The following ATPAF1 variants were observed in gnomAD, a reference collection of about 807,000 sequenced individuals.
ATPAF1 encodes homolog of yeast ATP11.
Under a neutral mutation model 43.9 loss-of-function variants are expected in ATPAF1, and 26 were observed. That is an observed-to-expected ratio of 0.59 (90% CI 0.43 to 0.82). ATPAF1 has a LOEUF of 0.82. ATPAF1 is among the 40% of genes least tolerant of loss of function. The pLI is 0.00. For missense variants in ATPAF1, 366 were observed against 435.0 expected (o/e 0.84, Z 1.41); for synonymous variants, 157 against 168.0 (o/e 0.93, Z 0.50).
intron 4 of ATPAF1, among the ~76,000 whole-genome samples, chr1:46,656,368 T>C (rs995985946): frequency 1.3e-5 from 2 of 152,168 alleles, no homozygotes; most frequent in Admixed American, 1.3e-4. Flanking sequence ...TGTTAAAATA[T>C]GGGGCCCCAA....
rs762350057 is a variant in ATPAF1 at position 46,668,359 on chromosome 1, G to C, written c.-37C>G. 7.7e-7 allele frequency: 1 copy of C among 1,293,882 alleles called. No individual in the cohort carries two copies. The highest frequency in any genetic ancestry group is 9.8e-7 in the Non-Finnish European group (1 of 1,019,804). The allele number at this position is 1,293,882 out of a possible 1,614,324, so 80.2% of individuals were successfully genotyped here. A position where few individuals can be genotyped will look rare whatever the true frequency, so the allele number is the denominator to read the frequency against. ...CCTCCTCCTCCTCCTCAGGCGCGTC[G>C]GCCTCGGCCCGCGGCCCGCGCGCCC... is the stretch of plus-strand genomic sequence containing the variant. On this transcript the variant is annotated 5_prime_UTR_variant, in exon 1 of 9. Coordinates refer to ENST00000574428, the Ensembl canonical transcript of ATPAF1. This position sits in a 1 kb window ranked among gnomAD's most constrained non-coding sequence, Gnocchi z 4.4.
intron 8 of ATPAF1, among the ~76,000 whole-genome samples, chr1:46,636,668 G>T (rs1273491202): frequency 2.0e-5 from 3 of 151,854 alleles, no homozygotes; most frequent in Non-Finnish European, 1.5e-5. Flanking sequence ...TGTAGTCCCA[G>T]CTACTCAGGA....
intron 4 of ATPAF1, among the ~76,000 whole-genome samples, chr1:46,657,706 G>A (rs976632779): frequency 3.3e-5 from 5 of 152,184 alleles, no homozygotes; most frequent in Admixed American, 3.3e-4. Context: ...ACTTAAAACC[G>A]GCAGCTTGGT....
intron 6 of ATPAF1, among the ~76,000 whole-genome samples, chr1:46,650,574 A>AATATTCACTACAGCACTATTCACAGCAC (rs1269984513): frequency 4.7e-4 from 71 of 152,182 alleles, no homozygotes; most frequent in Non-Finnish European, 8.8e-4. Context: ...CTGCACTCCC[A>AATATTCACTACAGCACTATTCACAGCAC]TGTTTGCTAC....
exon 8 of ATPAF1, chr1:46,643,229 C>G: frequency 6.2e-7 from 1 of 1,613,988 alleles, no homozygotes; most frequent in East Asian, 2.2e-5. Flanking sequence ...GTCATCAGCA[C>G]TATGCCCTTT....
intron 2 of ATPAF1, among the ~76,000 whole-genome samples, chr1:46,661,542 T>A (rs1676387377): frequency 6.6e-6 from 1 of 152,230 alleles, no homozygotes; most frequent in South Asian, 2.1e-4. Context: ...TGTATTTTGT[T>A]AAAAAATACT....
chr1:46,648,238 A>G (rs1676079146), intron 6 of ATPAF1, among the ~76,000 whole-genome samples: 2 of 152,188 alleles, frequency 1.3e-5, no homozygotes, highest in South Asian at 4.1e-4. Context: ...CAGCTTCCGG[A>G]GTAGCTGAGA....
exon 6 of ATPAF1, chr1:46,652,589 A>G (rs780755963): frequency 1.2e-6 from 2 of 1,613,278 alleles, no homozygotes; most frequent in African/African-American, 1.3e-5. Flanking sequence ...ACTGTTGGAC[A>G]GGACTGAGCC....
chr1:46,659,563 C>T (rs571429967), intron 2 of ATPAF1, among the ~76,000 whole-genome samples: 2 of 152,246 alleles, frequency 1.3e-5, no homozygotes, highest in South Asian at 4.1e-4. Context: ...TCAAATTAGA[C>T]ACCCTTAAAA....
rs74436659 is a variant in ATPAF1 at position 46,666,548 on chromosome 1, A to C, written c.267-1184T>G. Among the ~76,000 whole-genome samples, 68 of 152,356 alleles carry C rather than the reference A, an allele frequency of 4.5e-4. No individual in the cohort carries two copies. The East Asian group carries it at 0.012, about 26-fold the overall frequency. On this transcript the variant is annotated intron_variant, in intron 1 of 8. Coordinates refer to ENST00000574428, the Ensembl canonical transcript of ATPAF1. ...AGTGGGAGAGACAGGCATAAAAGTA[A>C]ACAAATGAAAGTACAACAGGTATTA...
intron 6 of ATPAF1, 66 bp from the exon 7 acceptor site, chr1:46,645,322 C>T: frequency 8.2e-7 from 1 of 1,219,002 alleles, no homozygotes. Context: ...TATCCAACCA[C>T]CTGTAACATT....
At position 46,645,089 on chromosome 1, in the gene ATPAF1, C is replaced by A. The variant is rs1156600872; in HGVS notation, c.684+72G>T. On this transcript the variant is annotated intron_variant, in intron 7 of 8. Coordinates refer to ENST00000574428, the Ensembl canonical transcript of ATPAF1. ...TAAGCAGCTATTCTGTGTCCTTGAGCCTCAGCAAGGGTTTCTAGTCCTACC... is the reference window on the plus strand; with the variant it reads ...TAAGCAGCTATTCTGTGTCCTTGAGACTCAGCAAGGGTTTCTAGTCCTACC... The A allele has an allele frequency of 5.5e-6, 6 of 1,086,288 alleles. No individual in the cohort carries two copies. The Admixed American group carries it at 1.3e-4, about 23-fold the overall frequency. 67.3% of individuals were successfully genotyped at this position (1,086,288 alleles called of 1,614,324 possible). A position where few individuals can be genotyped will look rare whatever the true frequency, so the allele number is the denominator to read the frequency against.
intron 4 of ATPAF1, among the ~76,000 whole-genome samples, chr1:46,654,951 T>C (rs1055209170): frequency 2.0e-5 from 3 of 152,062 alleles, no homozygotes; most frequent in Non-Finnish European, 2.9e-5. Context: ...TAATTTATAA[T>C]GGAAAGAGGT....
chr1:46,666,879 T>C (rs1011559885), intron 1 of ATPAF1, among the ~76,000 whole-genome samples: 3 of 152,082 alleles, frequency 2.0e-5, no homozygotes, highest in Non-Finnish European at 4.4e-5. Flanking sequence ...TGTTCATGAG[T>C]GGGTAAGAAT....
At chr1:46,654,219 C>T (rs2148821928) in intron 4 of ATPAF1, among the ~76,000 whole-genome samples, 1 of 152,214 alleles carries the variant, frequency 6.6e-6, no homozygotes, top group East Asian at 1.9e-4. Context: ...TGAGCCTTCC[C>T]AGAGAGTCAG....
At chr1:46,655,323 G>A (rs1676251669) in intron 4 of ATPAF1, among the ~76,000 whole-genome samples, 1 of 152,168 alleles carries the variant, frequency 6.6e-6, no homozygotes, top group African/African-American at 2.4e-5. Context: ...TCTACATGTG[G>A]AAGAGATAAG....
chr1:46,643,147 T>A (rs1432750482), intron 8 of ATPAF1, 47 bp downstream of exon 8: 1 of 1,447,458 alleles, frequency 6.9e-7, no homozygotes, highest in Non-Finnish European at 9.7e-7. Context: ...AGTAATACCT[T>A]CAGTGCCATG....
intron 6 of ATPAF1, among the ~76,000 whole-genome samples, chr1:46,646,068 C>T (rs762294129): frequency 2.0e-5 from 3 of 152,052 alleles, no homozygotes; most frequent in Admixed American, 6.6e-5. Flanking sequence ...CCTAGCTACT[C>T]GGGGGCTGAG....
intron 2 of ATPAF1, among the ~76,000 whole-genome samples, chr1:46,661,996 G>A (rs779608014): frequency 8.0e-5 from 12 of 150,908 alleles, no homozygotes; most frequent in Non-Finnish European, 1.8e-4. Flanking sequence ...CTGGCTCCAC[G>A]CCATTCTCCT....
Sources: allele counts gnomAD v4.1 joint callset (sites outside exome capture counted in the v4.1 genomes callset), GRCh38; gene constraint gnomAD v4.1.1; non-coding constraint Gnocchi (gnomAD v3.1); transcripts MANE v1.5; gene names NCBI Gene and HGNC (gene_info 2026-07-23, HGNC 2026-07-21).